The following SLC10A7 variants were observed in gnomAD, a reference collection of about 807,000 sequenced individuals.
SLC10A7 encodes solute carrier family 10 member 7, also known as sodium/bile acid cotransporter 7.
A neutral mutation model predicts 43.2 loss-of-function variants in SLC10A7; 29 were observed. The ratio of observed to expected loss-of-function variants is 0.67; its 90% CI spans 0.50 to 0.92. The LOEUF (loss-of-function observed/expected upper bound fraction) is 0.92, where lower values mean the gene tolerates loss of function less well. Ranked by LOEUF, SLC10A7 falls within the 40% of genes least tolerant of loss-of-function variation. The pLI is 0.00. For missense variants in SLC10A7, 295 were observed against 403.2 expected, an observed-to-expected ratio of 0.73 and a Z score of 2.30; for synonymous variants, 152 against 144.8, an observed-to-expected ratio of 1.05 and a Z score of -0.35.
chr4:146,492,432 A>G (rs1414850033), intron 4 of SLC10A7, among the ~76,000 whole-genome samples: 1 of 152,006 alleles, frequency 6.6e-6, no homozygotes, highest in African/African-American at 2.4e-5. Flanking sequence ...TGTTGCCAGA[A>G]TCTTGGCTCA....
chr4:146,346,162 T>C (rs778969291), intron 5 of SLC10A7, among the ~76,000 whole-genome samples: 3 of 152,160 alleles, frequency 2.0e-5, no homozygotes, highest in Non-Finnish European at 2.9e-5. Context: ...AATCAATGAC[T>C]GATTTATAAA....
At chr4:146,389,147 A>T (rs1738232460) in intron 5 of SLC10A7, among the ~76,000 whole-genome samples, 1 of 152,158 alleles carries the variant, frequency 6.6e-6, no homozygotes, top group Admixed American at 6.5e-5. Flanking sequence ...AACAATGGAC[A>T]TGGGAGACTC....
chr4:146,344,585 C>T (rs181173688), intron 5 of SLC10A7, among the ~76,000 whole-genome samples: 36 of 151,974 alleles, frequency 2.4e-4, no homozygotes, highest in African/African-American at 3.1e-4. Context: ...TTGGAGGGCT[C>T]GGTGAGACAA....
At chr4:146,276,398 A>G (rs1239442367) in intron 10 of SLC10A7, among the ~76,000 whole-genome samples, 1 of 152,146 alleles carries the variant, frequency 6.6e-6, no homozygotes, top group East Asian at 1.9e-4. Context: ...TAATTACCAC[A>G]CTGTCCACAG....
chr4:146,259,400 G>A (rs1298639982), intron 10 of SLC10A7, among the ~76,000 whole-genome samples: 2 of 152,200 alleles, frequency 1.3e-5, no homozygotes, highest in East Asian at 3.8e-4. Flanking sequence ...AGTGCTTTAC[G>A]ATCATTAGGT....
intron 5 of SLC10A7, among the ~76,000 whole-genome samples, chr4:146,343,489 G>A (rs147825152): frequency 6.6e-6 from 1 of 152,182 alleles, no homozygotes; most frequent in Non-Finnish European, 1.5e-5. Flanking sequence ...CAGTTCAAAT[G>A]AAGGAGTGTA....
chr4:146,355,985 C>G (rs1188126113), intron 5 of SLC10A7, among the ~76,000 whole-genome samples: 1 of 148,834 alleles, frequency 6.7e-6, no homozygotes, highest in Non-Finnish European at 1.5e-5. Context: ...CACATGTATA[C>G]ATATGTAACT....
At chr4:146,281,817 A>T (rs1477182974) in intron 10 of SLC10A7, among the ~76,000 whole-genome samples, 2 of 152,188 alleles carry the variant, frequency 1.3e-5, no homozygotes, top group Admixed American at 6.5e-5. Context: ...AAGAATAGCT[A>T]CACCTTATAG....
chr4:146,329,794 A>C (rs1162880136), intron 5 of SLC10A7, among the ~76,000 whole-genome samples: 2 of 152,206 alleles, frequency 1.3e-5, no homozygotes, highest in African/African-American at 4.8e-5. Context: ...AAACATTTAA[A>C]CTGCATCAGC....
intron 5 of SLC10A7, among the ~76,000 whole-genome samples, chr4:146,404,645 A>C (rs1739457264): frequency 6.6e-6 from 1 of 151,794 alleles, no homozygotes; most frequent in Non-Finnish European, 1.5e-5. Flanking sequence ...AAAATTCTTT[A>C]CTTTTGGTAG....
intron 6 of SLC10A7, among the ~76,000 whole-genome samples, chr4:146,314,406 C>T (rs1024058905): frequency 1.3e-5 from 2 of 152,128 alleles, no homozygotes; most frequent in African/African-American, 4.8e-5. Context: ...ATTCTGTGTA[C>T]ATATGTGTTT....
rs553234331 is a variant in SLC10A7, at chr4:146,446,049, C to A, written c.397-3228G>T. ...AACAAGAATAGTTCTCACTTTGGGC[C>A]GTGGGTCCAGGCTTGAGGGTGGAGC... is the stretch of plus-strand genomic sequence containing the variant. On this transcript the variant is annotated intron_variant, in intron 4 of 11. Coordinates refer to ENST00000335472, the MANE Select transcript of SLC10A7 (RefSeq NM_001029998.6). Among the ~76,000 whole-genome samples, 4 of 152,140 alleles carry A rather than the reference C, an allele frequency of 2.6e-5. No individual in the cohort carries two copies. In the East Asian group the frequency reaches 7.8e-4, roughly 30 times the overall value.
intron 4 of SLC10A7, among the ~76,000 whole-genome samples, chr4:146,443,479 T>C (rs985223578): frequency 6.6e-6 from 1 of 152,210 alleles, no homozygotes; most frequent in African/African-American, 2.4e-5. Context: ...TTAATTTTAA[T>C]TGAATCACTA....
chr4:146,475,479 C>G (rs953464125), intron 4 of SLC10A7, among the ~76,000 whole-genome samples: 3 of 152,166 alleles, frequency 2.0e-5, no homozygotes, highest in African/African-American at 7.2e-5. Flanking sequence ...GATTCATGAA[C>G]TGATCATTTT....
At chr4:146,469,182 A>G (rs1733338510) in intron 4 of SLC10A7, among the ~76,000 whole-genome samples, 1 of 152,188 alleles carries the variant, frequency 6.6e-6, no homozygotes, top group Non-Finnish European at 1.5e-5. Context: ...ACAACTTCTA[A>G]CCCAGTCATC....
chr4:146,348,653 T>TAA (rs149776581), intron 5 of SLC10A7, among the ~76,000 whole-genome samples: 16 of 152,280 alleles, frequency 1.1e-4, no homozygotes, highest in Middle Eastern at 6.8e-3. Context: ...CTACAGTACA[T>TAA]AAAAACGTAT....
chr4:146,377,333 A>G (rs1204551694), intron 5 of SLC10A7, among the ~76,000 whole-genome samples: 2 of 152,164 alleles, frequency 1.3e-5, no homozygotes, highest in Non-Finnish European at 2.9e-5. Context: ...CAGGATGTAA[A>G]AGGCTGTCAC....
chr4:146,288,017 C>T (rs922230758), intron 9 of SLC10A7, among the ~76,000 whole-genome samples: 8 of 152,294 alleles, frequency 5.3e-5, no homozygotes, highest in Admixed American at 1.3e-4. Context: ...TTGCAAGATA[C>T]GCTTACTTGT....
intron 4 of SLC10A7, among the ~76,000 whole-genome samples, chr4:146,501,177 T>C (rs902968081): frequency 1.3e-5 from 2 of 152,180 alleles, no homozygotes; most frequent in African/African-American, 4.8e-5. Context: ...CTCATCCAAT[T>C]TTGGCTTTAA....
Sources: gnomAD v4.1 joint callset for allele counts (sites outside exome capture counted in the v4.1 genomes callset) on GRCh38, gnomAD v4.1.1 for gene constraint, MANE v1.5 for transcripts, NCBI Gene and HGNC (gene_info 2026-07-23, HGNC 2026-07-21) for gene names.